KCNJ3: variants seen among roughly 807,000 people sequenced by gnomAD.
KCNJ3 encodes G protein-activated inward rectifier potassium channel 1.
KCNJ3 carries 4 observed loss-of-function variants against 39.2 expected under a neutral mutation model. The observed-to-expected ratio is 0.10, with a 90% CI of 0.05 to 0.23. The LOEUF (loss-of-function observed/expected upper bound fraction) is 0.23. Among genes scored for constraint, KCNJ3 ranks in the 10% least tolerant of loss-of-function variants. The pLI is 1.00. For synonymous variants in KCNJ3, 230 were observed against 237.4 expected, an observed-to-expected ratio of 0.97 and a Z score of 0.29; for missense variants, 276 against 634.9, an observed-to-expected ratio of 0.43 and a Z score of 6.08.
intron 2 of KCNJ3, among the ~76,000 whole-genome samples, chr2:154,765,491 C>T (rs1376596784): frequency 6.6e-6 from 1 of 152,166 alleles, no homozygotes; most frequent in Non-Finnish European, 1.5e-5. Flanking sequence ...ATTTCTAGTG[C>T]CTAGCATACT....
At chr2:154,806,264 G>C (rs1486526798) in intron 2 of KCNJ3, among the ~76,000 whole-genome samples, 5 of 152,124 alleles carry the variant, frequency 3.3e-5, no homozygotes, top group Non-Finnish European at 5.9e-5. Flanking sequence ...ACAGTGAGCA[G>C]TATGAGCATC....
At chr2:154,735,069 C>CTGTG (rs10632638) in intron 2 of KCNJ3, among the ~76,000 whole-genome samples, 24,647 of 145,782 alleles carry the variant, frequency 0.17, 2,219 homozygotes, top group Non-Finnish European at 0.21. Context: ...CCTTGTAGGC[C>CTGTG]TGTGTGTGTG....
intron 1 of KCNJ3, among the ~76,000 whole-genome samples, chr2:154,702,058 T>TAA (rs1684907895): frequency 1.3e-5 from 2 of 151,992 alleles, no homozygotes; most frequent in Non-Finnish European, 2.9e-5. Context: ...GAACTGAGAT[T>TAA]AAGTGACCTA....
At chr2:154,802,537 T>A (rs1686836839) in intron 2 of KCNJ3, among the ~76,000 whole-genome samples, 1 of 152,178 alleles carries the variant, frequency 6.6e-6, no homozygotes, top group African/African-American at 2.4e-5. Flanking sequence ...TAATCATGAT[T>A]GTATCTTTTA....
chr2:154,838,334 G>T (rs555969232), intron 2 of KCNJ3, among the ~76,000 whole-genome samples: 4 of 152,258 alleles, frequency 2.6e-5, no homozygotes, highest in South Asian at 4.1e-4. Flanking sequence ...CTAGCATGGA[G>T]GTGAAAAAGG....
Position 154,709,837 on chromosome 2 carries a change from T to A in KCNJ3, c.919+18T>A. The stretch of plus-strand genomic sequence containing the variant: ...AACAACTGGTGAGTAAAAACAGATA[T>A]GCCATAAAGTTTCTTTATACCATAA... On this transcript the variant is annotated intron_variant, in intron 2 of 2. Coordinates refer to ENST00000295101, the MANE Select transcript of KCNJ3 (RefSeq NM_002239.4). 6.2e-7 allele frequency: 1 copy of A among 1,612,316 alleles called. No individual in the cohort carries two copies.
intron 2 of KCNJ3, among the ~76,000 whole-genome samples, chr2:154,768,795 G>A (rs904163491): frequency 2.6e-4 from 40 of 152,248 alleles, no homozygotes; most frequent in African/African-American, 9.1e-4. Context: ...CCATTTTCAC[G>A]ATATTGATTC....
At chr2:154,835,766 G>A (rs1040313616) in intron 2 of KCNJ3, among the ~76,000 whole-genome samples, 7 of 151,804 alleles carry the variant, frequency 4.6e-5, no homozygotes, top group African/African-American at 1.5e-4. Context: ...ATATTAGGCA[G>A]TTTCATATAT....
intron 2 of KCNJ3, among the ~76,000 whole-genome samples, chr2:154,821,756 T>G (rs1289693065): frequency 1.3e-5 from 2 of 150,860 alleles, no homozygotes; most frequent in African/African-American, 2.4e-5. Flanking sequence ...TTTTCCTTTG[T>G]TAGCCTCCTG....
chr2:154,844,889 C>A (rs1687640550), intron 2 of KCNJ3, among the ~76,000 whole-genome samples: 1 of 152,156 alleles, frequency 6.6e-6, no homozygotes, highest in East Asian at 1.9e-4. Context: ...ATCCCCAGAC[C>A]CCTTGTGCTT....
chr2:154,713,678 T>A (rs1685138669), intron 2 of KCNJ3, among the ~76,000 whole-genome samples: 2 of 152,344 alleles, frequency 1.3e-5, no homozygotes, highest in South Asian at 4.1e-4. Flanking sequence ...TAATAAGCTT[T>A]ACATCTTTGC....
At chr2:154,798,153 G>A (rs1378330469) in intron 2 of KCNJ3, among the ~76,000 whole-genome samples, 1 of 148,332 alleles carries the variant, frequency 6.7e-6, no homozygotes, top group Non-Finnish European at 1.5e-5. Context: ...CACTCTAAAT[G>A]TACCTATACC....
At chr2:154,712,002 C>CA (rs1378935723) in intron 2 of KCNJ3, among the ~76,000 whole-genome samples, 57 of 152,042 alleles carry the variant, frequency 3.7e-4, no homozygotes, top group Admixed American at 1.7e-3. Context: ...GATTAAAGTC[C>CA]ACTTCCTCTT....
intron 1 of KCNJ3, among the ~76,000 whole-genome samples, chr2:154,706,357 G>T (rs889190029): frequency 2.0e-5 from 3 of 151,974 alleles, no homozygotes; most frequent in African/African-American, 7.2e-5. Context: ...ATGAAGAAAG[G>T]TCAAACTGGT....
intron 2 of KCNJ3, among the ~76,000 whole-genome samples, chr2:154,791,667 G>A (rs115678307): frequency 8.3e-4 from 127 of 152,096 alleles, no homozygotes; most frequent in Non-Finnish European, 1.7e-3. Context: ...TAAAGCAAGG[G>A]CTTGGGAACC....
At chr2:154,703,121 G>T (rs1039853622) in intron 1 of KCNJ3, among the ~76,000 whole-genome samples, 1 of 136,274 alleles carries the variant, frequency 7.3e-6, no homozygotes, top group African/African-American at 2.8e-5. Context: ...GTTAGGGCAA[G>T]AATTAATTAC....
intron 2 of KCNJ3, among the ~76,000 whole-genome samples, chr2:154,717,372 G>T (rs924847024): frequency 2.0e-5 from 3 of 152,198 alleles, no homozygotes; most frequent in Non-Finnish European, 4.4e-5. Context: ...TCATATTGGT[G>T]TGATAGAAAG....
intron 2 of KCNJ3, among the ~76,000 whole-genome samples, chr2:154,770,486 G>T (rs944440019): frequency 6.6e-6 from 1 of 151,810 alleles, no homozygotes; most frequent in African/African-American, 2.4e-5. Flanking sequence ...CTTGCCTGTA[G>T]TGTTTTAAGG....
chr2:154,715,825 T>C (rs74907063), intron 2 of KCNJ3, among the ~76,000 whole-genome samples: 5,814 of 152,268 alleles, frequency 0.038, 187 homozygotes, highest in Non-Finnish European at 0.052. Flanking sequence ...TGCTAGTTTA[T>C]ATATCTATCT....
Sources: gnomAD v4.1 joint callset for allele counts (sites outside exome capture counted in the v4.1 genomes callset) on GRCh38, gnomAD v4.1.1 for gene constraint, MANE v1.5 for transcripts, NCBI Gene and HGNC (gene_info 2026-07-23, HGNC 2026-07-21) for gene names.